Variants in SLC5A11 observed in about 807,000 individuals in gnomAD.
The protein encoded by SLC5A11 is sodium/myo-inositol cotransporter 2.
In SLC5A11, 48 loss-of-function variants were observed where a neutral mutation model predicts 69.8. That is an observed-to-expected ratio of 0.69 (90% CI 0.55 to 0.87). The LOEUF (loss-of-function observed/expected upper bound fraction) is 0.87, where lower values mean the gene tolerates loss of function less well. Among genes scored for constraint, SLC5A11 ranks in the 40% least tolerant of loss-of-function variants. The pLI is 0.00. For synonymous variants in SLC5A11, 319 were observed against 342.4 expected (o/e 0.93, Z 0.75); for missense variants, 784 against 866.1 (o/e 0.91, Z 1.19).
Position 24,875,160 on chromosome 16 carries a change from G to A in SLC5A11, c.373-467G>A, listed in dbSNP as rs573720459. Among the ~76,000 whole-genome samples the A allele has an allele frequency of 5.4e-4, 82 of 152,084 alleles. No homozygotes were observed. The South Asian group carries it at 0.01, about 19-fold the overall frequency. On this transcript the variant is annotated intron_variant, in intron 5 of 15. Transcript: ENST00000347898. ...GGCCTCACAATTAAATCTATTATCCGCCTAGAATTTGTTTTTGTCTACCAT... is the reference window on the plus strand; with the variant it reads ...GGCCTCACAATTAAATCTATTATCCACCTAGAATTTGTTTTTGTCTACCAT...
chr16:24,899,836 T>A (rs956925564), intron 10 of SLC5A11, among the ~76,000 whole-genome samples: 1 of 151,842 alleles, frequency 6.6e-6, no homozygotes, highest in Non-Finnish European at 1.5e-5. Context: ...CCTTAGTAGC[T>A]GGACTACGGG....
At chr16:24,872,576 C>G (rs959535943) in intron 5 of SLC5A11, among the ~76,000 whole-genome samples, 51 of 152,240 alleles carry the variant, frequency 3.3e-4, no homozygotes, top group African/African-American at 1.2e-3. Context: ...CAGGGTCTGG[C>G]TTTGTCCCCA....
At chr16:24,873,184 A>G (rs776141834) in intron 5 of SLC5A11, among the ~76,000 whole-genome samples, 9 of 112,824 alleles carry the variant, frequency 8.0e-5, no homozygotes, top group Non-Finnish European at 1.2e-4. Flanking sequence ...GGGAAAGGGG[A>G]AAAGGGAAAG....
chr16:24,894,970 A>C (rs2049051908), intron 9 of SLC5A11, among the ~76,000 whole-genome samples: 1 of 151,920 alleles, frequency 6.6e-6, no homozygotes, highest in South Asian at 2.1e-4. Context: ...AATTTAAAAA[A>C]TATTAATAGC....
intron 14 of SLC5A11, 38 bp downstream of exon 15, chr16:24,909,134 T>G (rs746111287): frequency 1.9e-6 from 3 of 1,598,232 alleles, no homozygotes; most frequent in Non-Finnish European, 2.6e-6. Flanking sequence ...TTGAGACTTT[T>G]TGTTGGAAGT....
intron 1 of SLC5A11, among the ~76,000 whole-genome samples, chr16:24,848,096 A>G (rs2059108398): frequency 6.6e-6 from 1 of 152,234 alleles, no homozygotes; most frequent in South Asian, 2.1e-4. Context: ...GAGCTTGTCC[A>G]GCAAAGAGTG....
chr16:24,885,937 T>G (rs2048367536), intron 8 of SLC5A11, among the ~76,000 whole-genome samples: 1 of 151,666 alleles, frequency 6.6e-6, no homozygotes, highest in Non-Finnish European at 1.5e-5. Flanking sequence ...TCTAAAATTT[T>G]CTAAAAAAAT....
intron 9 of SLC5A11, among the ~76,000 whole-genome samples, chr16:24,896,853 T>C (rs2049202028): frequency 6.6e-6 from 1 of 151,212 alleles, no homozygotes; most frequent in Non-Finnish European, 1.5e-5. Context: ...GGCCTTCCCA[T>C]ATCATGGCAG....
intron 2 of SLC5A11, among the ~76,000 whole-genome samples, chr16:24,860,091 G>C (rs755890962): frequency 1.3e-5 from 2 of 152,182 alleles, no homozygotes; most frequent in Non-Finnish European, 2.9e-5. Context: ...TTTGAGACGA[G>C]CCTGGCCAAT....
intron 12 of SLC5A11, among the ~76,000 whole-genome samples, chr16:24,907,745 G>A (rs974680658): frequency 3.9e-5 from 6 of 151,908 alleles, no homozygotes; most frequent in African/African-American, 1.5e-4. Flanking sequence ...AATAAGCTGG[G>A]AGTGTTGGCA....
At chr16:24,860,966 CA>C (rs1438424126) in intron 2 of SLC5A11, among the ~76,000 whole-genome samples, 3 of 152,080 alleles carry the variant, frequency 2.0e-5, no homozygotes, top group Non-Finnish European at 4.4e-5. Flanking sequence ...CTCGGCCTCC[CA>C]AAGTGCTGGG....
intron 2 of SLC5A11, among the ~76,000 whole-genome samples, chr16:24,860,731 G>T (rs111846438): frequency 6.6e-6 from 1 of 151,122 alleles, no homozygotes; most frequent in African/African-American, 2.4e-5. Context: ...GTTTTGAGAC[G>T]GAGTCTTGCT....
At chr16:24,906,842 C>T in intron 11 of SLC5A11, 78 bp downstream of exon 12, 1 of 1,439,038 alleles carries the variant, frequency 6.9e-7, no homozygotes, top group Non-Finnish European at 9.5e-7. Flanking sequence ...TGATCCAAGG[C>T]AGGGTCAAGA....
At chr16:24,859,029 T>C (rs1486152103) in intron 2 of SLC5A11, among the ~76,000 whole-genome samples, 2 of 152,236 alleles carry the variant, frequency 1.3e-5, no homozygotes, top group Non-Finnish European at 1.5e-5. Context: ...AGAAAGATGC[T>C]GTTACAATAC....
rs1182178747 is a variant in SLC5A11 at position 24,862,988 on chromosome 16, A to ATG, written c.207+317_207+318insGT. ...ATTATATAATATATAATTATATAATATATAATCATATATTTATGTAATATA... is the reference window on the plus strand; with the variant it reads ...ATTATATAATATATAATTATATAATATGTATAATCATATATTTATGTAATATA... On this transcript the variant is annotated intron_variant, in intron 3 of 15. Coordinates refer to ENST00000347898, the Ensembl canonical transcript of SLC5A11. Among the ~76,000 whole-genome samples, 3 of 140,008 alleles carry ATG rather than the reference A, an allele frequency of 2.1e-5. 1 individual carries two copies. Among genetic ancestry groups the ATG allele is most frequent in the African/African-American group, 8.0e-5 (3 of 37,514 alleles). 91.9% of individuals were successfully genotyped at this position (140,008 alleles called of 152,430 possible).
At chr16:24,877,726 C>T (rs982129100) in intron 7 of SLC5A11, among the ~76,000 whole-genome samples, 1 of 152,220 alleles carries the variant, frequency 6.6e-6, no homozygotes. Context: ...TGGCTTACGC[C>T]TGTAATCCCT....
rs2049877028 is a variant in SLC5A11, at chr16:24,904,565, G to A, written c.1007-2092G>A. On this transcript the variant is annotated intron_variant, in intron 10 of 15. Coordinates refer to ENST00000347898, the Ensembl canonical transcript of SLC5A11. ...ATTTTTTTAACAAGTCCACTAGAAG[G>A]TTGAGAACCCCAGGTCTAAAGGGCC... 2.0e-5 allele frequency among the ~76,000 whole-genome samples: 3 copies of A among 151,988 alleles called. 1 individual carries two copies. The highest frequency in any genetic ancestry group is 1.3e-4 in the Admixed American group (2 of 15,230).
intron 8 of SLC5A11, among the ~76,000 whole-genome samples, chr16:24,887,700 C>A (rs1413932018): frequency 6.6e-6 from 1 of 152,100 alleles, no homozygotes; most frequent in African/African-American, 2.4e-5. Context: ...TAAGCAGTTA[C>A]AATCTGTGTG....
rs1348841121 is a variant in SLC5A11 at position 24,847,143 on chromosome 16, CTTT to C, written c.-25+708_-25+710del. Among the ~76,000 whole-genome samples the C allele has an allele frequency of 2.6e-5, 4 of 151,910 alleles. No individual in the cohort carries two copies. In the South Asian group the frequency reaches 8.3e-4, roughly 32 times the overall value. ...CCTTTCTTTCTTTTTCTCTTTCTTT[CTTT>C]TTCTTTCTTTTCCTTTCTTTTCTTT... On this transcript the variant is annotated intron_variant, in intron 1 of 15. Coordinates refer to ENST00000347898, the Ensembl canonical transcript of SLC5A11.
Sources: gnomAD v4.1 joint callset for allele counts (sites outside exome capture counted in the v4.1 genomes callset) on GRCh38, gnomAD v4.1.1 for gene constraint, MANE v1.5 for transcripts, NCBI Gene and HGNC (gene_info 2026-07-23, HGNC 2026-07-21) for gene names.